PPM1G: variants seen among roughly 807,000 people sequenced by gnomAD.
PPM1G encodes the protein protein phosphatase, Mg2+/Mn2+ dependent 1G, also known as protein phosphatase 1G.
A neutral mutation model predicts 59.4 loss-of-function variants in PPM1G; 12 were observed. The ratio of observed to expected loss-of-function variants is 0.20; its 90% CI spans 0.13 to 0.33. The LOEUF (loss-of-function observed/expected upper bound fraction) is 0.33. Ranked by LOEUF, PPM1G falls within the 10% of genes least tolerant of loss-of-function variation. The pLI is 1.00. For synonymous variants in PPM1G, 245 were observed against 251.9 expected, an observed-to-expected ratio of 0.97 and a Z score of 0.26; for missense variants, 392 against 681.3, an observed-to-expected ratio of 0.58 and a Z score of 4.73.
In PPM1G at chr2:27,409,478, G is replaced by T; in HGVS notation, c.-56C>A. The T allele has an allele frequency of 2.8e-6, 4 of 1,419,396 alleles. No homozygotes were observed. Among genetic ancestry groups the T allele is most frequent in the Non-Finnish European group, 3.7e-6 (4 of 1,090,732 alleles). 87.9% of individuals were successfully genotyped at this position (1,419,396 alleles called of 1,614,324 possible). ...GGAAAGCTGGGCGCGACCCGTGCCG[G>T]AGCCGAAGCCCCGGGGGTGCGCGCG... On this transcript the variant is annotated 5_prime_UTR_variant, in exon 1 of 10. Transcript: ENST00000344034.
intron 1 of PPM1G, among the ~76,000 whole-genome samples, chr2:27,393,831 C>T (rs558716216): frequency 1.6e-4 from 24 of 152,206 alleles, no homozygotes; most frequent in African/African-American, 5.1e-4. Flanking sequence ...GGCGCAATCT[C>T]GGCTCACTTC....
Position 27,388,874 on chromosome 2 carries a change from CAA to C in PPM1G, c.121-1718_121-1717del, listed in dbSNP as rs376279784. ...AGGGCGACAGAGCAAGACTCCGTCT[CAA>C]AAAAAAAAAAAAAAAATTATCTACA... On this transcript the variant is annotated intron_variant, in intron 1 of 9. Transcript: ENST00000344034. Among the ~76,000 whole-genome samples the C allele has an allele frequency of 5.6e-3, 653 of 116,804 alleles. 7 individuals are homozygous for C. The highest frequency in any genetic ancestry group is 0.013 in the African/African-American group (446 of 33,068). 76.6% of individuals were successfully genotyped at this position (116,804 alleles called of 152,430 possible).
rs535374055 is a variant in PPM1G at position 27,381,927 on chromosome 2, C to T, written c.1435-122G>A. ...TAGGAGAGGAATGGGCAAGAGGTAT[C>T]ACACAACGGCCCACCTGCTAGTCCA... On this transcript the variant is annotated intron_variant, in intron 9 of 9. Transcript: ENST00000344034. 6.3e-5 allele frequency: 67 copies of T among 1,064,052 alleles called. 2 individuals are homozygous for T. The South Asian group carries it at 8.5e-4, about 14-fold the overall frequency. The allele number at this position is 1,064,052 out of a possible 1,614,324, so 65.9% of individuals were successfully genotyped here.
Position 27,408,674 on chromosome 2 carries a change from G to A in PPM1G, c.120+629C>T, listed in dbSNP as rs148353925. On this transcript the variant is annotated intron_variant, in intron 1 of 9. Transcript: ENST00000344034. ...AGCATAATAAAAAGGAAAACCTAGGGACTGACATAATTCAAGTTTTCCGAA... is the reference window on the plus strand; with the variant it reads ...AGCATAATAAAAAGGAAAACCTAGGAACTGACATAATTCAAGTTTTCCGAA... Among the ~76,000 whole-genome samples, 952 of 152,202 alleles carry A rather than the reference G, an allele frequency of 6.3e-3. 11 individuals are homozygous for A. The highest frequency in any genetic ancestry group is 0.022 in the African/African-American group (901 of 41,512).
intron 9 of PPM1G, 82 bp from the exon 10 acceptor site, chr2:27,381,887 G>C: frequency 7.0e-7 from 1 of 1,430,804 alleles, no homozygotes. Flanking sequence ...GGGCTGGCTT[G>C]CTGAGTCAGG....
At chr2:27,396,853 G>A (rs1368166724) in intron 1 of PPM1G, among the ~76,000 whole-genome samples, 2 of 149,944 alleles carry the variant, frequency 1.3e-5, no homozygotes, top group Non-Finnish European at 3.0e-5. Context: ...GACTAAGATG[G>A]TAATTTTTAT....
rs1469634341 is a variant in PPM1G, at chr2:27,385,181, T to TTCC, written c.410-96_410-94dup. The TTCC allele has an allele frequency of 7.1e-7, 1 of 1,404,384 alleles. No homozygotes were observed. The highest frequency in any genetic ancestry group is 2.3e-5 in the East Asian group (1 of 42,830). The allele number at this position is 1,404,384 out of a possible 1,614,324, so 87.0% of individuals were successfully genotyped here. On this transcript the variant is annotated intron_variant, in intron 4 of 9. Coordinates refer to ENST00000344034, the MANE Select transcript of PPM1G (RefSeq NM_177983.3). The surrounding 1 kb of genome is among the most constrained non-coding windows in gnomAD (Gnocchi z 4.1). ...CTCAACAGCCCTTGCAGCCTCTAAC[T>TTCC]TCCCCACAACCTCCCACTCCCAAGG...
At chr2:27,386,047 G>A (rs141912851) in intron 3 of PPM1G, 147 bp downstream of exon 3, 250 of 1,231,990 alleles carry the variant, frequency 2.0e-4, no homozygotes, top group Admixed American at 9.3e-4. Flanking sequence ...TCTAAAAGGC[G>A]GCCAATAAGC....
rs1436788403 is a variant in PPM1G at position 27,385,018 on chromosome 2, G to A, written c.480C>T (p.Tyr160=). 52 of 1,613,884 alleles carry A rather than the reference G, an allele frequency of 3.2e-5. No homozygotes were observed. Among genetic ancestry groups the A allele is most frequent in the South Asian group, 5.5e-5 (5 of 91,080 alleles). The change falls in exon 5 of 10, where the codon TAC becomes TAT. Residue 160 remains tyrosine, a synonymous_variant. Transcript: ENST00000344034. This position sits in a 1 kb window ranked among gnomAD's most constrained non-coding sequence, Gnocchi z 4.1. ...GAGGGCCCTTGTGACAGTTCTGCCC[G>A]TAGCGTGTCAGCAGCTCTTCAATAG... ...TMTIEELLTR[Y]GQNCHKGPPH...
chr2:27,405,884 T>C (rs1219586562), intron 1 of PPM1G, among the ~76,000 whole-genome samples: 1 of 151,784 alleles, frequency 6.6e-6, no homozygotes, highest in Non-Finnish European at 1.5e-5. Context: ...ATGCCTGTAA[T>C]CCCAGCTACT....
intron 1 of PPM1G, among the ~76,000 whole-genome samples, chr2:27,394,741 TA>T (rs397868730): frequency 0.42 from 45,579 of 107,900 alleles, 9,437 homozygotes; most frequent in African/African-American, 0.53. Flanking sequence ...GACTCTGTCT[TA>T]AAAAAAAAAA....
In PPM1G at chr2:27,381,445, G is replaced by C. The variant is rs371846172; in HGVS notation, c.*154C>G. 3 of 781,704 alleles carry C rather than the reference G, an allele frequency of 3.8e-6. No individual in the cohort carries two copies. The highest frequency in any genetic ancestry group is 3.5e-5 in the African/African-American group (2 of 57,904). 48.4% of individuals were successfully genotyped at this position (781,704 alleles called of 1,614,324 possible). A position where few individuals can be genotyped will look rare whatever the true frequency, so the allele number is the denominator to read the frequency against. On this transcript the variant is annotated 3_prime_UTR_variant, in exon 10 of 10. Transcript: ENST00000344034. ...CAGAGGCTCCCGGCTGCAGTGTGGA[G>C]GGAGAGCCCTCTTTGGAATGGGCGG...
chr2:27,402,229 CT>C (rs1165521844), intron 1 of PPM1G, among the ~76,000 whole-genome samples: 3 of 152,160 alleles, frequency 2.0e-5, no homozygotes, highest in African/African-American at 7.2e-5. Flanking sequence ...CATTAAACAT[CT>C]TAAGCTCAGT....
intron 1 of PPM1G, among the ~76,000 whole-genome samples, chr2:27,395,619 G>A (rs1007718328): frequency 1.3e-5 from 2 of 152,034 alleles, no homozygotes; most frequent in Non-Finnish European, 2.9e-5. Context: ...GAGGTGGGAG[G>A]ATCACTTGTG....
intron 1 of PPM1G, among the ~76,000 whole-genome samples, chr2:27,388,176 T>C (rs1470742457): frequency 6.6e-6 from 1 of 151,444 alleles, no homozygotes; most frequent in Non-Finnish European, 1.5e-5. Flanking sequence ...TTTGGGAGGC[T>C]AAGGCCGGCA....
rs771647065 is a variant in PPM1G at position 27,381,651 on chromosome 2, C to T, written c.1589G>A (p.Gly530Glu). 20 of 1,613,950 alleles carry T rather than the reference C, an allele frequency of 1.2e-5. No homozygotes were observed. Among genetic ancestry groups the T allele is most frequent in the Non-Finnish European group, 1.7e-5 (20 of 1,180,040 alleles). Reference sequence around the variant, plus strand: ...GTCGCTGTTGCCATTTTCTTCAGCCCCCTCAGTAGAGAGCACCTCCTCTAG... The same window carrying T: ...GTCGCTGTTGCCATTTTCTTCAGCCTCCTCAGTAGAGAGCACCTCCTCTAG... The part of the protein sequence containing the change: ...RKLEEVLSTE[G>E]AEENGNSDKK... The change falls in exon 10 of 10, where the codon GGG (glycine) becomes GAG (glutamate). Residue 530 changes from glycine to glutamate, a missense_variant. Gly to Glu is a moderately conservative substitution (Grantham distance 98, BLOSUM62 -2). Transcript: ENST00000344034.
chr2:27,386,040 A>C, intron 3 of PPM1G, 154 bp downstream of exon 3: 1 of 1,249,544 alleles, frequency 8.0e-7, no homozygotes, highest in South Asian at 1.4e-5. Flanking sequence ...AGGCAAGTCT[A>C]AAAGGCGGCC....
At position 27,381,464 on chromosome 2, in the gene PPM1G, T is replaced by A; in HGVS notation, c.*135A>T. On this transcript the variant is annotated 3_prime_UTR_variant, in exon 10 of 10. Coordinates refer to ENST00000344034, the MANE Select transcript of PPM1G (RefSeq NM_177983.3). Reference sequence around the variant, plus strand: ...TGTGGAGGGAGAGCCCTCTTTGGAATGGGCGGAGTGAAGCCACCCAGCTCC... The same window carrying A: ...TGTGGAGGGAGAGCCCTCTTTGGAAAGGGCGGAGTGAAGCCACCCAGCTCC... 2 of 927,044 alleles carry A rather than the reference T, an allele frequency of 2.2e-6. No individual in the cohort carries two copies. Among genetic ancestry groups the A allele is most frequent in the South Asian group, 3.1e-5 (2 of 64,654 alleles). 57.4% of individuals were successfully genotyped at this position (927,044 alleles called of 1,614,324 possible).
At chr2:27,387,259 C>G in intron 1 of PPM1G, 101 bp from the exon 2 acceptor site, 1 of 839,376 alleles carries the variant, frequency 1.2e-6, no homozygotes, top group East Asian at 2.6e-5. Context: ...CCTGGCTGGC[C>G]TATATGGCCT....
Sources: gnomAD v4.1 joint callset for allele counts (sites outside exome capture counted in the v4.1 genomes callset) on GRCh38, gnomAD v4.1.1 for gene constraint, Gnocchi (gnomAD v3.1) non-coding constraint, MANE v1.5 for transcripts, NCBI Gene and HGNC (gene_info 2026-07-23, HGNC 2026-07-21) for gene names.